VTI1A: variants seen among roughly 807,000 people sequenced by gnomAD.
The protein encoded by VTI1A is vesicle transport through interaction with t-SNAREs 1A.
VTI1A carries 22 observed loss-of-function variants against 34.9 expected under a neutral mutation model. The observed-to-expected ratio is 0.63, with a 90% CI of 0.45 to 0.90. VTI1A has a LOEUF of 0.90. VTI1A is among the 40% of genes least tolerant of loss of function. The pLI is 0.00. For missense variants in VTI1A, 268 were observed against 275.6 expected (o/e 0.97, Z 0.20); for synonymous variants, 87 against 97.3 (o/e 0.89, Z 0.62).
At chr10:112,697,866 ATGTGTGTG>A (rs67142519) in intron 7 of VTI1A, among the ~76,000 whole-genome samples, 8,911 of 134,878 alleles carry the variant, frequency 0.066, 521 homozygotes, top group East Asian at 0.29. Context: ...TAGCATTTAC[ATGTGTGTG>A]TGTGTGTGTG....
chr10:112,845,732 G>T, the VTI1A span, among the ~76,000 whole-genome samples: 12 of 152,036 alleles, frequency 7.9e-5, no homozygotes, highest in Non-Finnish European at 1.5e-4. Flanking sequence ...AGACAAAAGT[G>T]GGGGGCCGGA....
chr10:112,776,733 C>T (rs1046696620), intron 7 of VTI1A, among the ~76,000 whole-genome samples: 1 of 139,644 alleles, frequency 7.2e-6, no homozygotes, highest in Admixed American at 7.6e-5. Flanking sequence ...GGTTGGAGTA[C>T]GTGGGGTGAT....
chr10:112,546,054 A>C (rs557860039), intron 5 of VTI1A, among the ~76,000 whole-genome samples: 19 of 150,750 alleles, frequency 1.3e-4, no homozygotes, highest in African/African-American at 4.7e-4. Context: ...ATATACGTGT[A>C]TACGCGTATG....
chr10:112,726,640 C>A (rs1850038086), intron 7 of VTI1A, among the ~76,000 whole-genome samples: 2 of 152,164 alleles, frequency 1.3e-5, no homozygotes, highest in Non-Finnish European at 2.9e-5. Context: ...ATTTTGAGGC[C>A]ACATACCTAT....
At chr10:112,453,216 T>A (rs1847305877) in intron 1 of VTI1A, among the ~76,000 whole-genome samples, 1 of 152,208 alleles carries the variant, frequency 6.6e-6, no homozygotes, top group Non-Finnish European at 1.5e-5. Flanking sequence ...AAGTAAAGCA[T>A]CATTTTCACC....
intron 7 of VTI1A, among the ~76,000 whole-genome samples, chr10:112,780,112 TAAAA>T (rs773277515): frequency 9.0e-6 from 1 of 111,484 alleles, no homozygotes; most frequent in Admixed American, 9.4e-5. Context: ...CCTTGTCTCT[TAAAA>T]AAAAAAAAAA....
At chr10:112,522,035 T>C (rs987642349) in intron 3 of VTI1A, among the ~76,000 whole-genome samples, 1 of 152,074 alleles carries the variant, frequency 6.6e-6, no homozygotes, top group Non-Finnish European at 1.5e-5. Context: ...AGAAGTATGA[T>C]ATTATTTAAT....
chr10:112,833,905 C>T, the VTI1A span, among the ~76,000 whole-genome samples: 9 of 152,186 alleles, frequency 5.9e-5, no homozygotes, highest in Admixed American at 4.6e-4. Context: ...TCTATCCCTC[C>T]AAAGGGCTTC....
At position 112,767,508 on chromosome 10, in the gene VTI1A, G is replaced by T. The variant is rs1309591150; in HGVS notation, c.561-47782G>T. Among the ~76,000 whole-genome samples the T allele has an allele frequency of 6.6e-6, 1 of 152,186 alleles. No homozygotes were observed. Among genetic ancestry groups the T allele is most frequent in the African/African-American group, 2.4e-5 (1 of 41,438 alleles). On this transcript the variant is annotated intron_variant, in intron 7 of 7. Transcript: ENST00000393077. The surrounding 1 kb of genome is among the most constrained non-coding windows in gnomAD (Gnocchi z 4.0). Reference sequence around the variant, plus strand: ...CTGTCAGATTAAAAGCACAAGGAGAGAAACCATTCTAGTGTATTTGTGCTA... The same window carrying T: ...CTGTCAGATTAAAAGCACAAGGAGATAAACCATTCTAGTGTATTTGTGCTA...
At chr10:112,534,421 A>G (rs1449819441) in intron 4 of VTI1A, among the ~76,000 whole-genome samples, 1 of 152,098 alleles carries the variant, frequency 6.6e-6, no homozygotes, top group Non-Finnish European at 1.5e-5. Context: ...AAAATTGTCT[A>G]ATTGCTTATA....
At chr10:112,465,216 C>A (rs957630457) in intron 3 of VTI1A, among the ~76,000 whole-genome samples, 7 of 152,076 alleles carry the variant, frequency 4.6e-5, no homozygotes, top group Non-Finnish European at 1.0e-4. Flanking sequence ...GTAGCTGTCT[C>A]TTCCTATATA....
intron 7 of VTI1A, among the ~76,000 whole-genome samples, chr10:112,684,096 A>G (rs975607638): frequency 2.6e-5 from 4 of 152,116 alleles, no homozygotes; most frequent in Admixed American, 2.0e-4. Flanking sequence ...TTATCAAGAA[A>G]CAGGGAGAAA....
chr10:112,593,679 G>T (rs1844487972), intron 5 of VTI1A, among the ~76,000 whole-genome samples: 1 of 152,172 alleles, frequency 6.6e-6, no homozygotes, highest in Admixed American at 6.5e-5. Context: ...TCATAGGCTA[G>T]CAGGCTGTGT....
chr10:112,520,585 T>G (rs149377408), intron 3 of VTI1A, among the ~76,000 whole-genome samples: 10 of 150,918 alleles, frequency 6.6e-5, no homozygotes, highest in African/African-American at 2.4e-4. Flanking sequence ...TAGTTATTAT[T>G]CCATATGGAT....
At chr10:112,455,343 C>T (rs1479557434) in intron 1 of VTI1A, among the ~76,000 whole-genome samples, 7 of 3,880 alleles carry the variant, frequency 1.8e-3, no homozygotes, top group African/African-American at 4.4e-3. Flanking sequence ...TTCCCCCCTT[C>T]CCCCTTCCCC....
chr10:112,651,333 G>C (rs1847008216), intron 5 of VTI1A, among the ~76,000 whole-genome samples: 1 of 152,040 alleles, frequency 6.6e-6, no homozygotes, highest in South Asian at 2.1e-4. Flanking sequence ...TTTTTGAGAT[G>C]GAGTTTCACT....
chr10:112,737,948 G>T (rs1850556257), intron 7 of VTI1A: 4 of 974,536 alleles, frequency 4.1e-6, no homozygotes, highest in Non-Finnish European at 4.9e-6. Context: ...GCACATTTAG[G>T]CGGGGATGCT....
chr10:112,504,513 T>A (rs541002300), intron 3 of VTI1A, among the ~76,000 whole-genome samples: 3 of 151,910 alleles, frequency 2.0e-5, no homozygotes, highest in Non-Finnish European at 4.4e-5. Context: ...TTTTTTTTTA[T>A]AGCTTAATGG....
intron 3 of VTI1A, among the ~76,000 whole-genome samples, chr10:112,476,590 G>A (rs1197184271): frequency 6.6e-6 from 1 of 152,158 alleles, no homozygotes; most frequent in Non-Finnish European, 1.5e-5. Context: ...TGGTAGTGAT[G>A]TCCACATGTT....
Sources: allele counts gnomAD v4.1 joint callset (sites outside exome capture counted in the v4.1 genomes callset), GRCh38; gene constraint gnomAD v4.1.1; non-coding constraint Gnocchi (gnomAD v3.1); transcripts MANE v1.5; gene names NCBI Gene and HGNC (gene_info 2026-07-23, HGNC 2026-07-21).